Variants in TMPRSS2 observed in about 807,000 individuals in gnomAD.
TMPRSS2 encodes transmembrane serine protease 2.
A neutral mutation model predicts 67.4 loss-of-function variants in TMPRSS2; 59 were observed. The ratio of observed to expected loss-of-function variants is 0.88; its 90% CI spans 0.71 to 1.09. The LOEUF (loss-of-function observed/expected upper bound fraction) is 1.09. TMPRSS2 is among the 50% of genes least tolerant of loss of function. The pLI is 0.00. For missense variants in TMPRSS2, 668 were observed against 642.7 expected (o/e 1.04, Z -0.43); for synonymous variants, 257 against 257.0 (o/e 1.00, Z 0.00).
chr21:41,466,435 C>T (rs951977560), intron 13 of TMPRSS2, among the ~76,000 whole-genome samples: 3 of 152,224 alleles, frequency 2.0e-5, no homozygotes, highest in Admixed American at 6.5e-5. Flanking sequence ...CCACGCAGCC[C>T]TTCCCTCCCT....
chr21:41,468,350 G>T (rs751768500), intron 12 of TMPRSS2, 46 bp downstream of exon 12: 1 of 1,608,316 alleles, frequency 6.2e-7, no homozygotes, highest in South Asian at 1.1e-5. Flanking sequence ...GGGGGGTTCA[G>T]TAGGATCTGG....
intron 3 of TMPRSS2, 100 bp downstream of exon 3, chr21:41,494,256 G>A: frequency 1.6e-6 from 2 of 1,243,510 alleles, no homozygotes; most frequent in South Asian, 1.3e-5. Context: ...GTCAGACCAG[G>A]AGAGGTGGCG....
intron 5 of TMPRSS2, among the ~76,000 whole-genome samples, chr21:41,485,541 T>TG (rs2091290244): frequency 6.6e-6 from 1 of 151,526 alleles, no homozygotes; most frequent in African/African-American, 2.4e-5. Flanking sequence ...CCCAGCCACT[T>TG]GGGGGGCTGA....
chr21:41,493,415 G>T (rs567340892), intron 3 of TMPRSS2, among the ~76,000 whole-genome samples: 5 of 152,160 alleles, frequency 3.3e-5, no homozygotes, highest in Non-Finnish European at 5.9e-5. Flanking sequence ...TGTCCTGAGT[G>T]GGGGAGAGGT....
At chr21:41,491,641 A>G (rs2091337368) in intron 3 of TMPRSS2, among the ~76,000 whole-genome samples, 1 of 152,202 alleles carries the variant, frequency 6.6e-6, no homozygotes, top group African/African-American at 2.4e-5. Context: ...TCCTCCGTCT[A>G]TGGCTTCCCG....
chr21:41,488,353 G>A, intron 5 of TMPRSS2, 41 bp downstream of exon 5: 1 of 1,593,692 alleles, frequency 6.3e-7, no homozygotes, highest in Non-Finnish European at 8.6e-7. Context: ...TGTCTCCAAG[G>A]TGAGCAGAGG....
At chr21:41,505,689 A>G (rs907169340) in intron 1 of TMPRSS2, among the ~76,000 whole-genome samples, 1 of 152,198 alleles carries the variant, frequency 6.6e-6, no homozygotes, top group Non-Finnish European at 1.5e-5. Context: ...GCCCAGGAAC[A>G]AGCCCTTTTC....
chr21:41,505,828 A>G (rs1350215155), intron 1 of TMPRSS2, among the ~76,000 whole-genome samples: 3 of 152,250 alleles, frequency 2.0e-5, no homozygotes, highest in South Asian at 2.1e-4. Context: ...GCCGATTGTC[A>G]CTAAAGCCCC....
chr21:41,497,040 C>T (rs541887371), intron 2 of TMPRSS2, among the ~76,000 whole-genome samples: 1 of 151,978 alleles, frequency 6.6e-6, no homozygotes, highest in East Asian at 1.9e-4. Flanking sequence ...GGGGTTTCTC[C>T]ATATTTGTCA....
chr21:41,488,370 T>C (rs2091312527), intron 5 of TMPRSS2, 24 bp downstream of exon 5: 2 of 1,603,936 alleles, frequency 1.2e-6, no homozygotes, highest in Admixed American at 1.7e-5. Context: ...GAGGAGTCCC[T>C]TCCCAAGGTC....
chr21:41,493,498 G>A (rs1601585649), intron 3 of TMPRSS2, among the ~76,000 whole-genome samples: 1 of 152,336 alleles, frequency 6.6e-6, no homozygotes, highest in Non-Finnish European at 1.5e-5. Context: ...TGGACACATG[G>A]AAATTCACAT....
rs2091070965 is a variant in TMPRSS2 at position 41,464,729 on chromosome 21, C to A, written c.*1413G>T. On this transcript the variant is annotated 3_prime_UTR_variant, in exon 14 of 14. Coordinates refer to ENST00000332149, the MANE Select transcript of TMPRSS2 (RefSeq NM_005656.4). Reference sequence around the variant, plus strand: ...ACCTTTTAGGATGTGTCTTGGGGAGCAAGCACCTTACAGTGCCAACTGTTT... The same window carrying A: ...ACCTTTTAGGATGTGTCTTGGGGAGAAAGCACCTTACAGTGCCAACTGTTT... 1 of 233,190 alleles carries A rather than the reference C, an allele frequency of 4.3e-6. No homozygotes were observed. The highest frequency in any genetic ancestry group is 8.5e-6 in the Non-Finnish European group (1 of 118,066). The allele number at this position is 233,190 out of a possible 1,614,324, so 14.4% of individuals were successfully genotyped here.
chr21:41,480,614 G>C lies in TMPRSS2; in HGVS notation c.446-12C>G. The C allele has an allele frequency of 6.2e-7, 1 of 1,613,428 alleles. No homozygotes were observed. The highest frequency in any genetic ancestry group is 8.5e-7 in the Non-Finnish European group (1 of 1,179,976). On this transcript the variant is annotated splice_polypyrimidine_tract_variant and intron_variant, in intron 5 of 13. Coordinates refer to ENST00000332149, the MANE Select transcript of TMPRSS2 (RefSeq NM_005656.4). ...TCCGTAGAGGCGAACTGCACGAGAG[G>C]GAGGATTATCCATGAGTTTCTTTCT... is the stretch of plus-strand genomic sequence containing the variant.
intron 7 of TMPRSS2, 69 bp from the exon 8 acceptor site, chr21:41,476,689 A>G: frequency 7.3e-7 from 1 of 1,369,304 alleles, no homozygotes; most frequent in Non-Finnish European, 1.0e-6. Flanking sequence ...ATGCTTAGAA[A>G]TCAGTCATTT....
chr21:41,503,829 A>C (rs1405211157), intron 1 of TMPRSS2, among the ~76,000 whole-genome samples: 4 of 152,236 alleles, frequency 2.6e-5, no homozygotes, highest in Admixed American at 2.6e-4. Flanking sequence ...TTATAAATGC[A>C]TCATCACCAG....
chr21:41,497,634 G>A (rs1291341083), intron 2 of TMPRSS2, among the ~76,000 whole-genome samples: 2 of 152,164 alleles, frequency 1.3e-5, no homozygotes, highest in Admixed American at 6.5e-5. Flanking sequence ...TAAGGCAAAC[G>A]GGCCAGTTAC....
chr21:41,500,390 G>T (rs1442588787), intron 1 of TMPRSS2, among the ~76,000 whole-genome samples: 1 of 152,226 alleles, frequency 6.6e-6, no homozygotes, highest in Admixed American at 6.5e-5. Context: ...TTTGCCTTCG[G>T]TAAGTATTCC....
At chr21:41,467,328 G>T (rs1368462735) in intron 13 of TMPRSS2, among the ~76,000 whole-genome samples, 1 of 151,600 alleles carries the variant, frequency 6.6e-6, no homozygotes, top group East Asian at 1.9e-4. Flanking sequence ...GGCAAAGGTT[G>T]CAGTGAGTCG....
chr21:41,468,590 G>A (rs537013619), intron 11 of TMPRSS2, 52 bp from the exon 12 acceptor site: 3 of 1,602,670 alleles, frequency 1.9e-6, no homozygotes, highest in Non-Finnish European at 2.6e-6. Context: ...AGCTCTCGCA[G>A]GGAGAGCACA....
Sources: allele counts gnomAD v4.1 joint callset (sites outside exome capture counted in the v4.1 genomes callset), GRCh38; gene constraint gnomAD v4.1.1; transcripts MANE v1.5; gene names NCBI Gene and HGNC (gene_info 2026-07-23, HGNC 2026-07-21).